Variants in CEP76 observed in about 807,000 individuals in gnomAD.
CEP76 encodes the protein centrosomal protein 76, also known as centrosomal protein of 76 kDa.
CEP76 carries 55 observed loss-of-function variants against 83.3 expected under a neutral mutation model. The observed-to-expected ratio is 0.66, with a 90% CI of 0.53 to 0.83. The LOEUF is 0.83. Ranked by LOEUF, CEP76 falls within the 40% of genes least tolerant of loss-of-function variation. The pLI, the probability that CEP76 is intolerant of heterozygous loss-of-function variation, is 0.00. For synonymous variants in CEP76, 270 were observed against 274.5 expected, an observed-to-expected ratio of 0.98 and a Z score of 0.16; for missense variants, 694 against 799.5, an observed-to-expected ratio of 0.87 and a Z score of 1.59.
At chr18:12,690,152 C>T (rs758840382) in intron 7 of CEP76, among the ~76,000 whole-genome samples, 1 of 152,116 alleles carries the variant, frequency 6.6e-6, no homozygotes, top group Non-Finnish European at 1.5e-5. Flanking sequence ...TGTTACCTTG[C>T]CAACCAGTCA....
At chr18:12,671,674 A>T, downstream of CEP76, among the ~76,000 whole-genome samples, 1 of 111,504 alleles carries the variant, frequency 9.0e-6, no homozygotes, top group East Asian at 2.6e-4. Flanking sequence ...TTTGAGACAG[A>T]GTCTTGCTCT....
chr18:12,682,688 G>C (rs964860997), intron 8 of CEP76, among the ~76,000 whole-genome samples: 1 of 151,984 alleles, frequency 6.6e-6, no homozygotes, highest in African/African-American at 2.4e-5. Context: ...GAATGCAGTG[G>C]CATGACCTCG....
At chr18:12,676,311 TCTTA>T (rs1205054687) in intron 10 of CEP76, among the ~76,000 whole-genome samples, 2 of 125,694 alleles carry the variant, frequency 1.6e-5, no homozygotes, top group Non-Finnish European at 3.3e-5. Flanking sequence ...TGAGACAGGG[TCTTA>T]CTCTGTCACC....
intron 8 of CEP76, among the ~76,000 whole-genome samples, chr18:12,681,574 C>T (rs2145020794): frequency 6.6e-6 from 1 of 152,000 alleles, no homozygotes; most frequent in South Asian, 2.1e-4. Flanking sequence ...AGATTAATAG[C>T]TGAAGTACAT....
chr18:12,672,743 G>T lies in CEP76; in HGVS notation c.*622C>A. 1.0e-6 allele frequency: 1 copy of T among 972,516 alleles called. No homozygotes were observed. Among genetic ancestry groups the T allele is most frequent in the Non-Finnish European group, 1.2e-6 (1 of 818,036 alleles). 60.2% of individuals were successfully genotyped at this position (972,516 alleles called of 1,614,324 possible). ...ATCACAGTGATAAATATTTCTAAAT[G>T]ATTCATGTACTTTCATATGAGGTTA... is the stretch of plus-strand genomic sequence containing the variant. On this transcript the variant is annotated 3_prime_UTR_variant, in exon 12 of 12. Coordinates refer to ENST00000262127, the MANE Select transcript of CEP76 (RefSeq NM_024899.4).
downstream of CEP76, among the ~76,000 whole-genome samples, chr18:12,668,094 G>A (rs1263022997): frequency 6.6e-6 from 1 of 151,824 alleles, no homozygotes; most frequent in African/African-American, 2.4e-5. Flanking sequence ...GTGAGACCCT[G>A]TCCCTACGAA....
At chr18:12,670,566 C>T (rs1179062686), downstream of CEP76, 1 of 152,144 alleles carries the variant, frequency 6.6e-6, no homozygotes, top group Non-Finnish European at 1.5e-5. Context: ...TCTCTTAGTA[C>T]ATACCTCATA....
intron 5 of CEP76, among the ~76,000 whole-genome samples, chr18:12,695,854 A>ACACACC (rs774931854): frequency 6.2e-5 from 6 of 97,072 alleles, no homozygotes; most frequent in Non-Finnish European, 1.0e-4. Context: ...TTCCTTCTCC[A>ACACACC]CACACACACA....
chr18:12,699,295 A>C (rs1291633781), intron 3 of CEP76, 92 bp from the exon 4 acceptor site: 1 of 880,222 alleles, frequency 1.1e-6, no homozygotes, highest in African/African-American at 1.7e-5. Flanking sequence ...GACAGATAAA[A>C]ACCCAATACC....
chr18:12,695,185 A>T, intron 6 of CEP76, 69 bp downstream of exon 6: 1 of 577,694 alleles, frequency 1.7e-6, no homozygotes, highest in Non-Finnish European at 2.9e-6. Context: ...AGTGCTTTCT[A>T]GGATCAACAG....
At chr18:12,664,320 G>A (rs953229658) in intron 12 of CEP76, among the ~76,000 whole-genome samples, 1 of 151,950 alleles carries the variant, frequency 6.6e-6, no homozygotes, top group Non-Finnish European at 1.5e-5. Context: ...GAGAAGGGTG[G>A]ATCACGAGGC....
At chr18:12,696,677 G>A (rs191217422) in intron 5 of CEP76, among the ~76,000 whole-genome samples, 30 of 152,278 alleles carry the variant, frequency 2.0e-4, no homozygotes, top group Non-Finnish European at 3.1e-4. Flanking sequence ...ATAGCGGGCA[G>A]TGTGCAAGAT....
chr18:12,683,655 G>T (rs945810694), intron 8 of CEP76, among the ~76,000 whole-genome samples: 4 of 151,612 alleles, frequency 2.6e-5, no homozygotes, highest in African/African-American at 9.7e-5. Flanking sequence ...GGAGGCTGAG[G>T]CAGGAGAATC....
intron 10 of CEP76, 97 bp downstream of exon 10, chr18:12,678,012 G>T: frequency 1.1e-6 from 1 of 896,134 alleles, no homozygotes; most frequent in Non-Finnish European, 1.7e-6. Flanking sequence ...TTTGTTCAGG[G>T]CTAGAATAGT....
At chr18:12,676,563 C>T (rs967712398) in intron 10 of CEP76, among the ~76,000 whole-genome samples, 3 of 152,130 alleles carry the variant, frequency 2.0e-5, no homozygotes, top group Middle Eastern at 3.4e-3. Context: ...GCGTGAGACA[C>T]TGTGCCTGGC....
chr18:12,676,278 CCT>C (rs2039128262), intron 10 of CEP76, among the ~76,000 whole-genome samples: 1 of 137,312 alleles, frequency 7.3e-6, no homozygotes, highest in African/African-American at 2.6e-5. Flanking sequence ...AACAGTAATT[CCT>C]TTTTTTTTTT....
Position 12,678,327 on chromosome 18 carries a change from A to C in CEP76, c.1405T>G (p.Cys469Gly). The C allele has an allele frequency of 6.2e-7, 1 of 1,614,152 alleles. No individual in the cohort carries two copies. The highest frequency in any genetic ancestry group is 8.5e-7 in the Non-Finnish European group (1 of 1,180,028). Reference sequence around the variant, plus strand: ...GTTTCTACTGCATCAGAGGGTTGACAATTTCCCAGGAACATCTGATGGTTG... The same window carrying C: ...GTTTCTACTGCATCAGAGGGTTGACCATTTCCCAGGAACATCTGATGGTTG... ...VFNHQMFLGN[C>G]QPSDAVETCV... The change falls in exon 10 of 12, where the codon TGT becomes GGT. Residue 469 changes from cysteine (C) to glycine (G), a missense_variant. Coordinates refer to ENST00000262127, the MANE Select transcript of CEP76 (RefSeq NM_024899.4).
At chr18:12,681,255 C>CT (rs1568016341) in intron 8 of CEP76, among the ~76,000 whole-genome samples, 6 of 114,802 alleles carry the variant, frequency 5.2e-5, no homozygotes, top group African/African-American at 1.3e-4. Context: ...AAAAGTAGAA[C>CT]ATTTTTTTTT....
chr18:12,674,316 C>G (rs1205561277), intron 11 of CEP76, among the ~76,000 whole-genome samples: 4 of 151,836 alleles, frequency 2.6e-5, no homozygotes, highest in African/African-American at 7.3e-5. Context: ...GTGGCACATG[C>G]CTGTGGTCCC....
Sources: gnomAD v4.1 joint callset for allele counts (sites outside exome capture counted in the v4.1 genomes callset) on GRCh38, gnomAD v4.1.1 for gene constraint, MANE v1.5 for transcripts, NCBI Gene and HGNC (gene_info 2026-07-23, HGNC 2026-07-21) for gene names.